Variants in SYCP1 observed in about 807,000 individuals in gnomAD.
The protein encoded by SYCP1 is synaptonemal complex protein 1.
In SYCP1, 64 loss-of-function variants were observed where a neutral mutation model predicts 153.1. The ratio of observed to expected loss-of-function variants is 0.42; its 90% CI spans 0.34 to 0.51. SYCP1 has a LOEUF of 0.51. SYCP1 is among the 20% of genes least tolerant of loss of function. SYCP1 has a pLI of 0.06. For missense variants in SYCP1, 997 were observed against 1,049.0 expected, an observed-to-expected ratio of 0.95 and a Z score of 0.68; for synonymous variants, 384 against 341.8, an observed-to-expected ratio of 1.12 and a Z score of -1.36.
At position 114,874,247 on chromosome 1, in the gene SYCP1, G is replaced by A. The variant is rs187356309; in HGVS notation, c.599-259G>A. Among the ~76,000 whole-genome samples, 7 of 152,276 alleles carry A rather than the reference G, an allele frequency of 4.6e-5. No homozygotes were observed. In the East Asian group the frequency reaches 1.4e-3, roughly 29 times the overall value. On this transcript the variant is annotated intron_variant, in intron 8 of 31. Coordinates refer to ENST00000369522, the MANE Select transcript of SYCP1 (RefSeq NM_003176.4). ...TTTACTTCTCTTAAGGATCTGAGAA[G>A]AGTTATTAATTTTTTAGTTTGTTCA...
chr1:114,976,869 G>T (rs555485344), intron 27 of SYCP1, among the ~76,000 whole-genome samples: 24 of 151,782 alleles, frequency 1.6e-4, no homozygotes, highest in African/African-American at 5.5e-4. Flanking sequence ...AGACATCATG[G>T]GCGAGTTTTA....
intron 27 of SYCP1, among the ~76,000 whole-genome samples, chr1:114,974,636 G>A (rs1234266576): frequency 1.3e-5 from 2 of 151,656 alleles, no homozygotes; most frequent in Non-Finnish European, 3.0e-5. Flanking sequence ...ATGTCCTCGA[G>A]GTTTATCTAT....
At chr1:114,898,373 T>C (rs7518363) in intron 16 of SYCP1, among the ~76,000 whole-genome samples, 9,260 of 152,252 alleles carry the variant, frequency 0.061, 322 homozygotes, top group Middle Eastern at 0.14. Flanking sequence ...CCCTTGGTCT[T>C]ACTTTCCCAA....
chr1:114,956,639 T>C lies in SYCP1; in HGVS notation c.2322+9319T>C, dbSNP rs532887058. Among the ~76,000 whole-genome samples the C allele has an allele frequency of 2.0e-5, 3 of 152,250 alleles. No homozygotes were observed. The East Asian group carries it at 5.8e-4, about 30-fold the overall frequency. Reference sequence around the variant, plus strand: ...CAGCCACTCGGACAATCTTCTGAACTCAGGTCCCTGGTCAGCATTCCCATA... The same window carrying C: ...CAGCCACTCGGACAATCTTCTGAACCCAGGTCCCTGGTCAGCATTCCCATA... On this transcript the variant is annotated intron_variant, in intron 27 of 31. Coordinates refer to ENST00000369522, the MANE Select transcript of SYCP1 (RefSeq NM_003176.4).
At chr1:114,891,547 A>G (rs116140096) in intron 15 of SYCP1, among the ~76,000 whole-genome samples, 4,765 of 152,270 alleles carry the variant, frequency 0.031, 123 homozygotes, top group Non-Finnish European at 0.042. Context: ...GCAATAGGAA[A>G]TCTTTGGCAA....
chr1:114,922,332 A>G (rs1557802545), intron 20 of SYCP1, among the ~76,000 whole-genome samples: 1 of 152,126 alleles, frequency 6.6e-6, no homozygotes, highest in African/African-American at 2.4e-5. Context: ...TTGTATTGCT[A>G]TAAAGAAATA....
At chr1:114,921,412 C>G (rs1668863814) in intron 20 of SYCP1, among the ~76,000 whole-genome samples, 2 of 151,998 alleles carry the variant, frequency 1.3e-5, no homozygotes, top group Non-Finnish European at 2.9e-5. Flanking sequence ...GGTACGGTGG[C>G]TCACTCCTGT....
intron 11 of SYCP1, 70 bp from the exon 12 acceptor site, chr1:114,878,024 T>C: frequency 6.9e-6 from 6 of 872,504 alleles, no homozygotes; most frequent in Non-Finnish European, 1.0e-5. Context: ...AAAATAATTG[T>C]AGGTATTATA....
intron 23 of SYCP1, among the ~76,000 whole-genome samples, chr1:114,931,953 A>G (rs1669659638): frequency 6.6e-6 from 1 of 152,204 alleles, no homozygotes; most frequent in African/African-American, 2.4e-5. Flanking sequence ...AAAAAATTCA[A>G]TGGAGAGAAA....
chr1:114,982,320 A>G (rs1013466336), intron 29 of SYCP1, among the ~76,000 whole-genome samples: 18 of 151,866 alleles, frequency 1.2e-4, no homozygotes, highest in African/African-American at 4.4e-4. Context: ...TCTCCATCCC[A>G]CTAAGTTTAA....
intron 27 of SYCP1, among the ~76,000 whole-genome samples, chr1:114,960,269 G>A (rs1461186712): frequency 1.4e-5 from 2 of 147,864 alleles, no homozygotes; most frequent in Non-Finnish European, 3.0e-5. Flanking sequence ...CTGGGTTCAA[G>A]TGATTCTCCT....
At chr1:114,982,255 A>G (rs1673205508) in intron 29 of SYCP1, among the ~76,000 whole-genome samples, 1 of 151,974 alleles carries the variant, frequency 6.6e-6, no homozygotes, top group Non-Finnish European at 1.5e-5. Context: ...CTTTATAAAG[A>G]TGCTCTTGGA....
intron 21 of SYCP1, among the ~76,000 whole-genome samples, chr1:114,924,571 G>A (rs573572087): frequency 6.6e-6 from 1 of 152,238 alleles, no homozygotes; most frequent in South Asian, 2.1e-4. Flanking sequence ...ATTAGTGGAG[G>A]ACAGGTGGTG....
At chr1:114,882,304 A>T (rs1473462694) in intron 12 of SYCP1, among the ~76,000 whole-genome samples, 4 of 152,204 alleles carry the variant, frequency 2.6e-5, no homozygotes, top group Admixed American at 2.0e-4. Flanking sequence ...TTTCTATTTC[A>T]ACAGTTTTGC....
intron 23 of SYCP1, among the ~76,000 whole-genome samples, chr1:114,936,945 A>C (rs144188573): frequency 0.024 from 3,612 of 152,314 alleles, 171 homozygotes; most frequent in African/African-American, 0.083. Context: ...GGAAGAATCA[A>C]GATCATGAAA....
At chr1:114,882,596 G>A (rs1666029419) in intron 12 of SYCP1, among the ~76,000 whole-genome samples, 1 of 151,222 alleles carries the variant, frequency 6.6e-6, no homozygotes, top group Non-Finnish European at 1.5e-5. Flanking sequence ...TTCTCTTTCT[G>A]TCTTGTTTAT....
At chr1:114,932,843 G>T (rs1246625113) in intron 23 of SYCP1, among the ~76,000 whole-genome samples, 3 of 152,222 alleles carry the variant, frequency 2.0e-5, no homozygotes, top group Non-Finnish European at 4.4e-5. Flanking sequence ...AGGAGGCAGT[G>T]AGACTGGGGG....
chr1:114,991,778 A>T (rs1673940723), intron 30 of SYCP1, among the ~76,000 whole-genome samples: 1 of 151,812 alleles, frequency 6.6e-6, no homozygotes, highest in Non-Finnish European at 1.5e-5. Context: ...GCTGCTATTC[A>T]ACATTGTACT....
At chr1:114,993,150 A>G (rs1002141818) in intron 30 of SYCP1, among the ~76,000 whole-genome samples, 1 of 151,608 alleles carries the variant, frequency 6.6e-6, no homozygotes, top group African/African-American at 2.4e-5. Flanking sequence ...TGCACTAAGT[A>G]AAATTGTAAT....
Sources: allele counts gnomAD v4.1 joint callset (sites outside exome capture counted in the v4.1 genomes callset), GRCh38; gene constraint gnomAD v4.1.1; transcripts MANE v1.5; gene names NCBI Gene and HGNC (gene_info 2026-07-23, HGNC 2026-07-21).